Variants in CADPS observed in about 807,000 individuals in gnomAD.
The protein encoded by CADPS is calcium dependent secretion activator.
A neutral mutation model predicts 167.3 loss-of-function variants in CADPS; 57 were observed. The ratio of observed to expected loss-of-function variants is 0.34; its 90% CI spans 0.28 to 0.42. The LOEUF (loss-of-function observed/expected upper bound fraction) is 0.42, where lower values mean the gene tolerates loss of function less well. Ranked by LOEUF, CADPS falls within the 20% of genes least tolerant of loss-of-function variation. CADPS has a pLI of 1.00. For missense variants in CADPS, 1,414 were observed against 1,738.1 expected (o/e 0.81, Z 3.32); for synonymous variants, 676 against 635.3 (o/e 1.06, Z -0.96).
intron 3 of CADPS, among the ~76,000 whole-genome samples, chr3:62,742,942 C>G (rs1444585901): frequency 3.3e-5 from 5 of 152,066 alleles, no homozygotes; most frequent in Non-Finnish European, 5.9e-5. Context: ...AAGAAACAAA[C>G]AACCCAATTA....
At position 62,601,832 on chromosome 3, in the gene CADPS, G is replaced by C. The variant is rs1447616755; in HGVS notation, c.1326-9084C>G. Among the ~76,000 whole-genome samples, 1 of 152,298 alleles carries C rather than the reference G, an allele frequency of 6.6e-6. No individual in the cohort carries two copies. Among genetic ancestry groups the C allele is most frequent in the East Asian group, 1.9e-4 (1 of 5,176 alleles). On this transcript the variant is annotated intron_variant, in intron 6 of 29. Coordinates refer to ENST00000383710, the MANE Select transcript of CADPS (RefSeq NM_003716.4). This position sits in a 1 kb window ranked among gnomAD's most constrained non-coding sequence, Gnocchi z 4.3. ...ACCTGTTCCACAGTACCACCACTTT[G>C]AAAGTGAACACTTTGATCTGGGGGA...
chr3:62,859,888 C>G (rs924310010), intron 1 of CADPS, among the ~76,000 whole-genome samples: 2 of 152,174 alleles, frequency 1.3e-5, no homozygotes, highest in Non-Finnish European at 2.9e-5. Context: ...AGGCCAATCA[C>G]TCTCTATTTG....
At chr3:62,683,970 G>A (rs147487199) in intron 3 of CADPS, among the ~76,000 whole-genome samples, 1 of 151,944 alleles carries the variant, frequency 6.6e-6, no homozygotes, top group Admixed American at 6.6e-5. Flanking sequence ...CTGATCACCT[G>A]GCTAAGGCAA....
intron 28 of CADPS, among the ~76,000 whole-genome samples, chr3:62,410,787 T>G (rs2048813929): frequency 6.6e-6 from 1 of 152,192 alleles, no homozygotes; most frequent in South Asian, 2.1e-4. Context: ...GAGTGTGAAC[T>G]ACTCAGGGTT....
intron 1 of CADPS, among the ~76,000 whole-genome samples, chr3:62,824,730 A>G (rs557117335): frequency 2.2e-3 from 341 of 152,304 alleles, no homozygotes; most frequent in African/African-American, 8.1e-3. Flanking sequence ...TTATTCTTCC[A>G]TTACGAACTG....
intron 1 of CADPS, among the ~76,000 whole-genome samples, chr3:62,816,112 G>A (rs1034225228): frequency 6.6e-6 from 1 of 152,056 alleles, no homozygotes; most frequent in Admixed American, 6.6e-5. Context: ...ACTCTGACCT[G>A]CTCTTGCTAT....
chr3:62,809,876 C>T (rs1576707696), intron 1 of CADPS, among the ~76,000 whole-genome samples: 1 of 152,128 alleles, frequency 6.6e-6, no homozygotes, highest in East Asian at 1.9e-4. Context: ...GACTCTCACC[C>T]CCATCATTCT....
At chr3:62,452,965 C>T (rs2058258016) in intron 26 of CADPS, among the ~76,000 whole-genome samples, 1 of 151,908 alleles carries the variant, frequency 6.6e-6, no homozygotes, top group African/African-American at 2.4e-5. Flanking sequence ...AACAAACAAA[C>T]AAACAAACAA....
At chr3:62,845,556 A>G (rs1410726078) in intron 1 of CADPS, among the ~76,000 whole-genome samples, 1 of 152,212 alleles carries the variant, frequency 6.6e-6, no homozygotes, top group Admixed American at 6.5e-5. Flanking sequence ...AGCCTTTATC[A>G]TAATTATAGA....
intron 26 of CADPS, among the ~76,000 whole-genome samples, chr3:62,449,329 C>T (rs1377768509): frequency 6.6e-6 from 1 of 152,168 alleles, no homozygotes; most frequent in Non-Finnish European, 1.5e-5. Context: ...ATCTCTAGGG[C>T]TGCTTTTCAT....
intron 9 of CADPS, among the ~76,000 whole-genome samples, chr3:62,569,164 A>T (rs1490405684): frequency 6.6e-6 from 1 of 152,152 alleles, no homozygotes; most frequent in Non-Finnish European, 1.5e-5. Flanking sequence ...GCAATGGCAC[A>T]ATCTCAGCTC....
chr3:62,496,876 G>A (rs1437367651), intron 18 of CADPS, among the ~76,000 whole-genome samples: 1 of 152,134 alleles, frequency 6.6e-6, no homozygotes, highest in African/African-American at 2.4e-5. Flanking sequence ...TTGATTGATG[G>A]AGAAGATTTT....
intron 1 of CADPS, among the ~76,000 whole-genome samples, chr3:62,768,180 T>C (rs2087442586): frequency 6.6e-6 from 1 of 152,180 alleles, no homozygotes; most frequent in African/African-American, 2.4e-5. Flanking sequence ...TGAACTGAAA[T>C]ATTAGGTAGC....
At chr3:62,593,029 C>T (rs2086410220) in intron 6 of CADPS, among the ~76,000 whole-genome samples, 1 of 152,200 alleles carries the variant, frequency 6.6e-6, no homozygotes, top group African/African-American at 2.4e-5. Context: ...AACTTGTTCC[C>T]ATGCATTTGC....
At chr3:62,493,724 G>A in intron 18 of CADPS, 59 bp from the exon 19 acceptor site, 2 of 1,440,172 alleles carry the variant, frequency 1.4e-6, no homozygotes, top group South Asian at 1.2e-5. Flanking sequence ...AGGTTGGCTT[G>A]GCTGGAAATA....
At chr3:62,741,187 C>T (rs1009835508) in intron 3 of CADPS, among the ~76,000 whole-genome samples, 7 of 152,048 alleles carry the variant, frequency 4.6e-5, no homozygotes, top group African/African-American at 1.4e-4. Context: ...GGGTACTATC[C>T]CAGCTGTACA....
In CADPS at chr3:62,446,055, C is replaced by T. The variant is rs916574281; in HGVS notation, c.3637-258G>A. 3.3e-5 allele frequency among the ~76,000 whole-genome samples: 5 copies of T among 152,126 alleles called. No individual in the cohort carries two copies. The highest frequency in any genetic ancestry group is 7.4e-5 in the Non-Finnish European group (5 of 68,014). On this transcript the variant is annotated intron_variant, in intron 26 of 29. Transcript: ENST00000383710. This position sits in a 1 kb window ranked among gnomAD's most constrained non-coding sequence, Gnocchi z 4.9. ...GGAGCGGGAGCTTTACATTTTCCTC[C>T]CTCCCTCTGAAAAAAAGTAAAGTGA...
chr3:62,719,952 T>C (rs2075426802), intron 3 of CADPS, among the ~76,000 whole-genome samples: 1 of 152,192 alleles, frequency 6.6e-6, no homozygotes. Flanking sequence ...CTCCAGAGCT[T>C]TCTTTTGCTC....
chr3:62,618,212 G>C (rs2062639525), intron 6 of CADPS, among the ~76,000 whole-genome samples: 1 of 152,106 alleles, frequency 6.6e-6, no homozygotes, highest in African/African-American at 2.4e-5. Context: ...GAGGAGAAAG[G>C]CTACCTAAGA....
Sources: allele counts gnomAD v4.1 joint callset (sites outside exome capture counted in the v4.1 genomes callset), GRCh38; gene constraint gnomAD v4.1.1; non-coding constraint Gnocchi (gnomAD v3.1); transcripts MANE v1.5; gene names NCBI Gene and HGNC (gene_info 2026-07-23, HGNC 2026-07-21).